The following GABRB3 variants were observed in gnomAD, a reference collection of about 807,000 sequenced individuals.
GABRB3 encodes the protein gamma-aminobutyric acid type A receptor subunit beta3.
A neutral mutation model predicts 52.1 loss-of-function variants in GABRB3; 14 were observed. The observed-to-expected ratio is 0.27, with a 90% confidence interval of 0.18 to 0.42. The LOEUF (loss-of-function observed/expected upper bound fraction) is 0.42. GABRB3 is among the 10% of genes least tolerant of loss of function. The pLI is 1.00. For missense variants in GABRB3, 307 were observed against 609.1 expected (o/e 0.50, Z 5.22); for synonymous variants, 260 against 232.3 (o/e 1.12, Z -1.08).
chr15:26,564,322 T>G (rs1555401702), intron 7 of GABRB3, among the ~76,000 whole-genome samples: 1 of 152,166 alleles, frequency 6.6e-6, no homozygotes, highest in Non-Finnish European at 1.5e-5. Context: ...AACTTCCCAC[T>G]TTAAAGTTTG....
chr15:26,772,946 C>A lies in GABRB3; in HGVS notation c.17G>T (p.Gly6Val). MWGLA[G>V]GRLFGIFSAP... The stretch of plus-strand genomic sequence containing the variant: ...CGAGAAGATGCCGAAAAGCCTTCCT[C>A]CCGCAAGGCCCCACATCCCTCCGCC... The change falls in exon 1 of 9, where the codon GGA becomes GTA. Residue 6 changes from glycine (G) to valine (V), a missense_variant. This residue lies in a region of GABRB3 where 90 missense variants were observed against 86.4 expected (regional missense o/e 1.04). Transcript: ENST00000311550. The A allele has an allele frequency of 6.8e-7, 1 of 1,472,950 alleles. No individual in the cohort carries two copies. Among genetic ancestry groups the A allele is most frequent in the Non-Finnish European group, 9.0e-7 (1 of 1,109,052 alleles). 91.2% of individuals were successfully genotyped at this position (1,472,950 alleles called of 1,614,324 possible).
chr15:26,676,908 G>A (rs1315685148), intron 3 of GABRB3, among the ~76,000 whole-genome samples: 1 of 151,902 alleles, frequency 6.6e-6, no homozygotes, highest in Non-Finnish European at 1.5e-5. Context: ...TTTATATAGT[G>A]ACTTTGGTTT....
At position 26,648,494 on chromosome 15, in the gene GABRB3, G is replaced by A. The variant is rs1027717342; in HGVS notation, c.241-26960C>T. Among the ~76,000 whole-genome samples, 36 of 152,320 alleles carry A rather than the reference G, an allele frequency of 2.4e-4. No individual in the cohort carries two copies. The South Asian group carries it at 2.9e-3, about 12-fold the overall frequency. On this transcript the variant is annotated intron_variant, in intron 3 of 8. Transcript: ENST00000311550. ...GTTTTGGCATGGATGAACTAACCATGGAGAGGGTGTACAGTGAGAACCTTA... is the reference window on the plus strand; with the variant it reads ...GTTTTGGCATGGATGAACTAACCATAGAGAGGGTGTACAGTGAGAACCTTA...
chr15:26,644,971 T>A (rs952081043), intron 3 of GABRB3, among the ~76,000 whole-genome samples: 1 of 152,224 alleles, frequency 6.6e-6, no homozygotes, highest in African/African-American at 2.4e-5. Context: ...AAGCTACACT[T>A]AGTGGCTCGT....
intron 3 of GABRB3, among the ~76,000 whole-genome samples, chr15:26,740,033 A>C (rs1890161210): frequency 6.6e-6 from 1 of 152,130 alleles, no homozygotes; most frequent in Non-Finnish European, 1.5e-5. Flanking sequence ...CTTTTAAACA[A>C]CGTGTCAACA....
intron 3 of GABRB3, among the ~76,000 whole-genome samples, chr15:26,689,299 T>C (rs1406769552): frequency 6.6e-6 from 1 of 152,042 alleles, no homozygotes; most frequent in Non-Finnish European, 1.5e-5. Flanking sequence ...ACCTGGAGAA[T>C]GACAAGGTTC....
At chr15:26,724,741 C>T (rs1357061681) in intron 3 of GABRB3, among the ~76,000 whole-genome samples, 1 of 152,156 alleles carries the variant, frequency 6.6e-6, no homozygotes, top group Non-Finnish European at 1.5e-5. Context: ...CATGGTTCTC[C>T]TTTCTTCCTT....
rs1215567940 is a variant in GABRB3 at position 26,554,723 on chromosome 15, G to GT, written c.1080+6208dup. ...TGGAAGATGCAGAGAGTCAGATGCTGTCTAGGAGGCAAAGCTTGCTGGGCA... is the reference window on the plus strand; with the variant it reads ...TGGAAGATGCAGAGAGTCAGATGCTGTTCTAGGAGGCAAAGCTTGCTGGGCA... On this transcript the variant is annotated intron_variant, in intron 8 of 8. Transcript: ENST00000311550. Among the ~76,000 whole-genome samples the GT allele has an allele frequency of 2.6e-5, 4 of 152,334 alleles. No homozygotes were observed. In the East Asian group the frequency reaches 5.8e-4, roughly 22 times the overall value.
At chr15:26,693,694 A>G (rs1888652869) in intron 3 of GABRB3, among the ~76,000 whole-genome samples, 1 of 152,198 alleles carries the variant, frequency 6.6e-6, no homozygotes, top group African/African-American at 2.4e-5. Context: ...AAAACTGGAG[A>G]GAGAGAGAGA....
At chr15:26,615,182 G>A in intron 4 of GABRB3, 1 of 630,198 alleles carries the variant, frequency 1.6e-6, no homozygotes, top group Non-Finnish European at 2.0e-6. Context: ...GAAAACTTCA[G>A]TGCAGCATCA....
intron 4 of GABRB3, chr15:26,615,679 C>G: frequency 5.5e-6 from 5 of 902,712 alleles, no homozygotes; most frequent in Non-Finnish European, 6.9e-6. Flanking sequence ...AGGTCTTCAT[C>G]TAGCCTAGAT....
intron 3 of GABRB3, among the ~76,000 whole-genome samples, chr15:26,709,515 CTTTTTTTT>C (rs57044167): frequency 2.2e-5 from 2 of 92,002 alleles, no homozygotes; most frequent in African/African-American, 3.8e-5. Context: ...TTTTTTCTTT[CTTTTTTTT>C]TTTTTTTTTT....
rs546000769 is a variant in GABRB3, at chr15:26,544,270, T to C, written c.*3523A>G. On this transcript the variant is annotated 3_prime_UTR_variant, in exon 9 of 9. Transcript: ENST00000311550. The stretch of plus-strand genomic sequence containing the variant: ...GGACAAACACCAATGGATTATCTAC[T>C]AGATGCTGAAAATGAACACCTACAA... 6.5e-6 allele frequency: 1 copy of C among 152,746 alleles called. No homozygotes were observed. The highest frequency in any genetic ancestry group is 6.5e-5 in the Admixed American group (1 of 15,296). 9.5% of individuals were successfully genotyped at this position (152,746 alleles called of 1,614,324 possible). A position where few individuals can be genotyped will look rare whatever the true frequency, so the allele number is the denominator to read the frequency against.
chr15:26,565,228 T>C (rs971497359), intron 7 of GABRB3, among the ~76,000 whole-genome samples: 24 of 152,176 alleles, frequency 1.6e-4, no homozygotes, highest in Admixed American at 1.6e-3. Flanking sequence ...GTCATACTTT[T>C]TCTGAATTCA....
At chr15:26,755,328 C>T (rs1443910912) in intron 3 of GABRB3, among the ~76,000 whole-genome samples, 3 of 152,054 alleles carry the variant, frequency 2.0e-5, no homozygotes, top group Non-Finnish European at 2.9e-5. Context: ...TTTTTCCCAA[C>T]TTCTTAGGCC....
chr15:26,582,983 G>A (rs1343581025), intron 5 of GABRB3, among the ~76,000 whole-genome samples: 1 of 152,150 alleles, frequency 6.6e-6, no homozygotes, highest in Admixed American at 6.5e-5. Context: ...GATGGGAAAT[G>A]AGTTTTACTC....
chr15:26,663,466 G>A (rs1477816398), intron 3 of GABRB3, among the ~76,000 whole-genome samples: 5 of 152,200 alleles, frequency 3.3e-5, no homozygotes, highest in Non-Finnish European at 7.3e-5. Flanking sequence ...TTTAAATTGT[G>A]ATGTGATGTC....
chr15:26,722,877 C>T (rs1173734143), intron 3 of GABRB3, among the ~76,000 whole-genome samples: 1 of 152,176 alleles, frequency 6.6e-6, no homozygotes, highest in African/African-American at 2.4e-5. Context: ...TGCTCAGCTG[C>T]AACTGTGACT....
intron 3 of GABRB3, among the ~76,000 whole-genome samples, chr15:26,763,410 C>G (rs1274418456): frequency 6.6e-6 from 1 of 152,126 alleles, no homozygotes; most frequent in Non-Finnish European, 1.5e-5. Context: ...AGAATTCACT[C>G]GACAAATATT....
Sources: gnomAD v4.1 joint callset for allele counts (sites outside exome capture counted in the v4.1 genomes callset) on GRCh38, gnomAD v4.1.1 for gene constraint, gnomAD v4.1.1 regional missense constraint, MANE v1.5 for transcripts, NCBI Gene and HGNC (gene_info 2026-07-23, HGNC 2026-07-21) for gene names.